Variants in STRN4 observed in about 807,000 individuals in gnomAD.
STRN4 encodes striatin-4.
Under a neutral mutation model 77.9 loss-of-function variants are expected in STRN4, and 27 were observed. The ratio of observed to expected loss-of-function variants is 0.35; its 90% CI spans 0.26 to 0.48. The LOEUF (loss-of-function observed/expected upper bound fraction) is 0.48. Ranked by LOEUF, STRN4 falls within the 20% of genes least tolerant of loss-of-function variation. The probability of loss-of-function intolerance (pLI) is 0.99; values close to 1 mark genes in which losing one functional copy is unlikely to be tolerated. For missense variants in STRN4, 798 were observed against 1,049.7 expected (o/e 0.76, Z 3.31); for synonymous variants, 466 against 443.1 (o/e 1.05, Z -0.65).
At chr19:46,721,105 C>T (rs1000914190) in intron 16 of STRN4, 4 of 215,834 alleles carry the variant, frequency 1.9e-5, no homozygotes. Context: ...GAAAGCAACC[C>T]AGCCGGTCAG....
chr19:46,745,171 A>C (rs2054556255), intron 1 of STRN4, among the ~76,000 whole-genome samples: 1 of 151,328 alleles, frequency 6.6e-6, no homozygotes, highest in South Asian at 2.1e-4. Flanking sequence ...TCACCTCCAT[A>C]CTGGACATGC....
chr19:46,725,323 C>G lies in STRN4; in HGVS notation c.1472+9G>C. On this transcript the variant is annotated intron_variant, in intron 11 of 17. Coordinates refer to ENST00000263280, the MANE Select transcript of STRN4 (RefSeq NM_013403.3). ...CGAGTTTCTAGCAGGCTCAGGGGCA[C>G]CTCCCTACCTGTGAGCCCGGAAAGC... is the stretch of plus-strand genomic sequence containing the variant. The G allele has an allele frequency of 6.2e-7, 1 of 1,614,166 alleles. No individual in the cohort carries two copies. The highest frequency in any genetic ancestry group is 2.2e-5 in the East Asian group (1 of 44,882).
chr19:46,736,968 T>A, intron 3 of STRN4, 67 bp from the exon 4 acceptor site: 1 of 1,539,300 alleles, frequency 6.5e-7, no homozygotes, highest in Non-Finnish European at 8.9e-7. Context: ...ACCTCCTCCA[T>A]CTTCCTCACC....
intron 12 of STRN4, among the ~76,000 whole-genome samples, chr19:46,724,376 G>T (rs971220168): frequency 6.6e-6 from 1 of 151,222 alleles, no homozygotes; most frequent in African/African-American, 2.4e-5. Context: ...ACGCGCTCCA[G>T]CCTGGCCCAG....
intron 4 of STRN4, among the ~76,000 whole-genome samples, 177 bp downstream of exon 4, chr19:46,736,646 C>T (rs2054371096): frequency 6.6e-6 from 1 of 152,044 alleles, no homozygotes; most frequent in Admixed American, 6.5e-5. Context: ...GGGTTTCCCT[C>T]CCTCTCCCCA....
rs748182847 is a variant in STRN4, at chr19:46,733,068, C to G, written c.708G>C (p.Leu236=). 5.0e-6 allele frequency: 8 copies of G among 1,612,848 alleles called. No homozygotes were observed. The South Asian group carries it at 7.7e-5, about 15-fold the overall frequency. ...PAGLSGGESL[L]VKQIEEQIKR... Reference sequence around the variant, plus strand: ...TTATCTGCTCCTCGATCTGTTTCACCAGCAGCGACTCCCCACCACTGAGCC... The same window carrying G: ...TTATCTGCTCCTCGATCTGTTTCACGAGCAGCGACTCCCCACCACTGAGCC... The change falls in exon 5 of 18, where the codon CTG becomes CTC. Residue 236 remains leucine (L), a synonymous_variant. Transcript: ENST00000263280. The surrounding 1 kb of genome is among the most constrained non-coding windows in gnomAD (Gnocchi z 4.3).
rs1361568612 is a variant in STRN4 at position 46,720,182 on chromosome 19, G to T, written c.*223C>A. On this transcript the variant is annotated 3_prime_UTR_variant, in exon 18 of 18. Transcript: ENST00000263280. The stretch of plus-strand genomic sequence containing the variant: ...GGGGGAAACCCCGAGGCCATCCTCG[G>T]GGGTGATTCCTGAAAGGGGCCCATC... 6.2e-6 allele frequency: 1 copy of T among 160,330 alleles called. No individual in the cohort carries two copies. The highest frequency in any genetic ancestry group is 6.5e-5 in the Admixed American group (1 of 15,472). 9.9% of individuals were successfully genotyped at this position (160,330 alleles called of 1,614,324 possible).
At chr19:46,740,038 GCC>G (rs1419348998) in intron 1 of STRN4, 1 of 152,268 alleles carries the variant, frequency 6.6e-6, no homozygotes, top group Non-Finnish European at 1.5e-5. Flanking sequence ...TGTAATCCCA[GCC>G]CTTTGGGAGG....
rs970243947 is a variant in STRN4 at position 46,723,370 on chromosome 19, C to T, written c.1595-86G>A. On this transcript the variant is annotated intron_variant, in intron 12 of 17. Coordinates refer to ENST00000263280, the MANE Select transcript of STRN4 (RefSeq NM_013403.3). This position sits in a 1 kb window ranked among gnomAD's most constrained non-coding sequence, Gnocchi z 5.5. ...CCCAGAGCCCCAGCTCTGCCAAGCC[C>T]CAGGCAGCTGGGCTCCAATCACCCA... 9 of 1,446,652 alleles carry T rather than the reference C, an allele frequency of 6.2e-6. No individual in the cohort carries two copies. In the African/African-American group the frequency reaches 1.1e-4, roughly 18 times the overall value. The allele number at this position is 1,446,652 out of a possible 1,614,324, so 89.6% of individuals were successfully genotyped here. A position where few individuals can be genotyped will look rare whatever the true frequency, so the allele number is the denominator to read the frequency against.
At position 46,746,031 on chromosome 19, in the gene STRN4, G is replaced by GC. The variant is rs1272490498; in HGVS notation, c.282+117dup. On this transcript the variant is annotated intron_variant, in intron 1 of 17. Coordinates refer to ENST00000263280, the MANE Select transcript of STRN4 (RefSeq NM_013403.3). The stretch of plus-strand genomic sequence containing the variant: ...TCCGGGACCGTCGCGGTCCCCTCCC[G>GC]CCCCCCCGCCGGCCGTCCCGGCGGC... 6,177 of 1,134,980 alleles carry GC rather than the reference G, an allele frequency of 5.4e-3. 34 individuals are homozygous for GC. The highest frequency in any genetic ancestry group is 0.03 in the South Asian group (1,177 of 38,650). The allele number at this position is 1,134,980 out of a possible 1,614,324, so 70.3% of individuals were successfully genotyped here.
At chr19:46,724,022 TG>T (rs2054043005) in intron 12 of STRN4, among the ~76,000 whole-genome samples, 1 of 151,954 alleles carries the variant, frequency 6.6e-6, no homozygotes, top group African/African-American at 2.4e-5. Context: ...CCAAGGTGGG[TG>T]GATCACCTGA....
In STRN4 at chr19:46,723,156, T is replaced by A. The variant is rs775675409; in HGVS notation, c.1723A>T (p.Ser575Cys). ...DGTVRIWDPSSSSPACLCTFP... is the reference protein window; with the variant it reads ...DGTVRIWDPSCSSPACLCTFP... Reference sequence around the variant, plus strand: ...GTGCAGAGGCAGGCCGGGCTGCTGCTGCTGGGGTCCCAGATGCGGACGGTG... The same window carrying A: ...GTGCAGAGGCAGGCCGGGCTGCTGCAGCTGGGGTCCCAGATGCGGACGGTG... Residue 575 changes from serine to cysteine, a missense_variant, in exon 13 of 18, where the codon AGC becomes TGC. Around this residue, in one of 2 missense-constraint regions of STRN4, gnomAD observed 287 missense variants for 473.8 expected, o/e 0.61. Transcript: ENST00000263280. This position sits in a 1 kb window ranked among gnomAD's most constrained non-coding sequence, Gnocchi z 5.5. The A allele has an allele frequency of 1.9e-6, 3 of 1,566,992 alleles. No individual in the cohort carries two copies. The highest frequency in any genetic ancestry group is 2.6e-6 in the Non-Finnish European group (3 of 1,156,858).
chr19:46,729,305 C>T (rs2054196320), intron 6 of STRN4, among the ~76,000 whole-genome samples: 1 of 152,158 alleles, frequency 6.6e-6, no homozygotes, highest in African/African-American at 2.4e-5. Flanking sequence ...ATTATCATTC[C>T]CACATTACAG....
rs146609657 is a variant in STRN4 at position 46,726,021 on chromosome 19, T to A, written c.1249-373A>T. 8.2e-4 allele frequency: 159 copies of A among 193,298 alleles called. 1 individual carries two copies. Among genetic ancestry groups the A allele is most frequent in the Non-Finnish European group, 1.4e-3 (127 of 92,702 alleles). The allele number at this position is 193,298 out of a possible 1,614,324, so 12.0% of individuals were successfully genotyped here. A position where few individuals can be genotyped will look rare whatever the true frequency, so the allele number is the denominator to read the frequency against. On this transcript the variant is annotated intron_variant, in intron 9 of 17. Coordinates refer to ENST00000263280, the MANE Select transcript of STRN4 (RefSeq NM_013403.3). ...AGAGACATCAGGCAGCCTGCCCTCCTCCCTGGGGGCCACTGAGGCTTTCCT... is the reference window on the plus strand; with the variant it reads ...AGAGACATCAGGCAGCCTGCCCTCCACCCTGGGGGCCACTGAGGCTTTCCT...
chr19:46,738,031 C>T lies in STRN4; in HGVS notation c.460+133G>A. ...AGGGCTCTGAGAGTGAGATTCCGCC[C>T]CTCCCCAGCCCCGGGGCCGATTCTG... On this transcript the variant is annotated intron_variant, in intron 3 of 17. Coordinates refer to ENST00000263280, the MANE Select transcript of STRN4 (RefSeq NM_013403.3). This position sits in a 1 kb window ranked among gnomAD's most constrained non-coding sequence, Gnocchi z 4.5. 1.1e-6 allele frequency: 1 copy of T among 912,744 alleles called. No individual in the cohort carries two copies. Among genetic ancestry groups the T allele is most frequent in the Non-Finnish European group, 1.8e-6 (1 of 565,050 alleles). 56.5% of individuals were successfully genotyped at this position (912,744 alleles called of 1,614,324 possible). A position where few individuals can be genotyped will look rare whatever the true frequency, so the allele number is the denominator to read the frequency against.
intron 6 of STRN4, among the ~76,000 whole-genome samples, chr19:46,729,777 G>A (rs959205870): frequency 2.0e-5 from 3 of 152,202 alleles, no homozygotes; most frequent in Non-Finnish European, 2.9e-5. Context: ...GCAGCTGAGG[G>A]CTTCCTGGGC....
At chr19:46,729,346 A>C (rs1297411579) in intron 6 of STRN4, among the ~76,000 whole-genome samples, 2 of 151,894 alleles carry the variant, frequency 1.3e-5, no homozygotes, top group Non-Finnish European at 2.9e-5. Context: ...GCAGGAACCC[A>C]CTTGCCCTAG....
chr19:46,736,504 TAAAA>T (rs34081190), intron 4 of STRN4: 116 of 95,202 alleles, frequency 1.2e-3, no homozygotes, highest in East Asian at 2.7e-3. Flanking sequence ...ACAAGGTATC[TAAAA>T]AAAAAAAAAA....
intron 5 of STRN4, 29 bp from the exon 6 acceptor site, chr19:46,730,902 A>G (rs1475457030): frequency 5.6e-6 from 9 of 1,606,804 alleles, no homozygotes; most frequent in Non-Finnish European, 7.6e-6. Flanking sequence ...CAGAGGAGGC[A>G]TGAGTCCTGG....
Sources: allele counts gnomAD v4.1 joint callset (sites outside exome capture counted in the v4.1 genomes callset), GRCh38; gene constraint gnomAD v4.1.1; regional missense constraint gnomAD v4.1.1; non-coding constraint Gnocchi (gnomAD v3.1); transcripts MANE v1.5; gene names NCBI Gene and HGNC (gene_info 2026-07-23, HGNC 2026-07-21).